CDIN1: variants seen among roughly 807,000 people sequenced by gnomAD.
CDIN1 encodes the protein CDAN1-interacting nuclease 1.
In CDIN1, 33 loss-of-function variants were observed where a neutral mutation model predicts 45.3. The observed-to-expected ratio is 0.73, with a 90% CI of 0.55 to 0.97. The LOEUF (loss-of-function observed/expected upper bound fraction) is 0.97. Among genes scored for constraint, CDIN1 ranks in the 50% least tolerant of loss-of-function variants. The probability of loss-of-function intolerance (pLI) is 0.00; values close to 1 mark genes in which losing one functional copy is unlikely to be tolerated. For synonymous variants in CDIN1, 118 were observed against 124.4 expected (o/e 0.95, Z 0.34); for missense variants, 303 against 339.4 (o/e 0.89, Z 0.84).
intron 10 of CDIN1, among the ~76,000 whole-genome samples, chr15:36,771,532 A>G (rs2054077106): frequency 6.6e-6 from 1 of 152,196 alleles, no homozygotes; most frequent in Non-Finnish European, 1.5e-5. Flanking sequence ...CTCTAGAAGG[A>G]GGCTCACTGG....
At chr15:36,643,509 G>A (rs1386147422) in intron 1 of CDIN1, among the ~76,000 whole-genome samples, 2 of 152,218 alleles carry the variant, frequency 1.3e-5, no homozygotes, top group African/African-American at 4.8e-5. Flanking sequence ...GTCTGTAAAG[G>A]ACAGTCGAAA....
At chr15:36,798,599 AATTCCAATAATTTTTT>A (rs2054900171) in intron 10 of CDIN1, 2 of 152,158 alleles carry the variant, frequency 1.3e-5, no homozygotes, top group Non-Finnish European at 2.9e-5. Context: ...CCGAGGATGA[AATTCCAATAATTTTTT>A]ATTTTAAGCA....
intron 3 of CDIN1, among the ~76,000 whole-genome samples, chr15:36,645,495 TG>T (rs35122390): frequency 0.01 from 21 of 2,042 alleles, no homozygotes; most frequent in East Asian, 0.071. Context: ...TGTCTTGACT[TG>T]TGTGTGTGTG....
intron 10 of CDIN1, among the ~76,000 whole-genome samples, chr15:36,788,973 T>C (rs1358412353): frequency 1.3e-5 from 2 of 152,226 alleles, no homozygotes; most frequent in Non-Finnish European, 2.9e-5. Context: ...CTAGAAAGCA[T>C]AAAGTACCAT....
At chr15:36,618,907 T>C in intron 1 of CDIN1, 1 of 1,306,008 alleles carries the variant, frequency 7.7e-7, no homozygotes. Context: ...GTAACATAAA[T>C]GTAGCTACAC....
intron 10 of CDIN1, among the ~76,000 whole-genome samples, chr15:36,783,861 A>G (rs2054417994): frequency 6.6e-6 from 1 of 152,164 alleles, no homozygotes; most frequent in South Asian, 2.1e-4. Context: ...CCAGTATTTT[A>G]ATAATCTGCC....
chr15:36,596,987 A>G (rs1468860753), intron 1 of CDIN1, among the ~76,000 whole-genome samples: 1 of 152,190 alleles, frequency 6.6e-6, no homozygotes, highest in Non-Finnish European at 1.5e-5. Context: ...ATTAAATAAT[A>G]CCTTTCCTTG....
intron 1 of CDIN1, among the ~76,000 whole-genome samples, chr15:36,643,454 A>C (rs919300210): frequency 1.3e-5 from 2 of 152,272 alleles, no homozygotes; most frequent in African/African-American, 4.8e-5. Context: ...AGCATTTAGT[A>C]GGAAAATAGA....
At chr15:36,624,494 T>A (rs188158130) in intron 1 of CDIN1, among the ~76,000 whole-genome samples, 111 of 152,354 alleles carry the variant, frequency 7.3e-4, no homozygotes, top group African/African-American at 2.5e-3. Flanking sequence ...GATGATGATG[T>A]TGTTTTTAGA....
intron 10 of CDIN1, among the ~76,000 whole-genome samples, chr15:36,774,808 G>C (rs552827105): frequency 6.6e-6 from 1 of 152,096 alleles, no homozygotes; most frequent in Non-Finnish European, 1.5e-5. Flanking sequence ...TAAATCTGTC[G>C]CATTATTAAA....
chr15:36,784,305 G>C (rs2054432188), intron 10 of CDIN1, among the ~76,000 whole-genome samples: 1 of 152,156 alleles, frequency 6.6e-6, no homozygotes, highest in Admixed American at 6.5e-5. Flanking sequence ...AAGTGGAGGA[G>C]GATCACTGGT....
intron 10 of CDIN1, among the ~76,000 whole-genome samples, chr15:36,765,090 C>G (rs1360361888): frequency 6.9e-6 from 1 of 145,546 alleles, no homozygotes; most frequent in African/African-American, 2.6e-5. Context: ...GAGTCTCGCT[C>G]CGTCATTCAG....
chr15:36,740,978 C>T (rs760753302), intron 10 of CDIN1, among the ~76,000 whole-genome samples: 1 of 151,952 alleles, frequency 6.6e-6, no homozygotes, highest in East Asian at 1.9e-4. Flanking sequence ...ACTCTCTCAC[C>T]CAGGCTAAAG....
intron 1 of CDIN1, among the ~76,000 whole-genome samples, chr15:36,583,436 C>T (rs1476893204): frequency 6.6e-6 from 1 of 152,116 alleles, no homozygotes; most frequent in East Asian, 1.9e-4. Flanking sequence ...TTTTTCAAGT[C>T]ACTGTGTTTT....
chr15:36,737,453 C>T (rs1405722839), intron 10 of CDIN1, among the ~76,000 whole-genome samples: 1 of 152,178 alleles, frequency 6.6e-6, no homozygotes, highest in Non-Finnish European at 1.5e-5. Flanking sequence ...CAGGAGGTTT[C>T]ATTTGTGTGT....
chr15:36,590,112 T>C (rs2037505395), intron 1 of CDIN1, among the ~76,000 whole-genome samples: 1 of 152,196 alleles, frequency 6.6e-6, no homozygotes, highest in African/African-American at 2.4e-5. Context: ...AAGTTACGTC[T>C]CTTGGCTGAA....
intron 1 of CDIN1, among the ~76,000 whole-genome samples, chr15:36,606,392 A>G (rs1595734097): frequency 2.0e-5 from 3 of 152,300 alleles, no homozygotes; most frequent in Admixed American, 2.0e-4. Context: ...GAATAAGGGA[A>G]TGAAGTTTGG....
At chr15:36,617,528 A>G in intron 1 of CDIN1, 2 of 828,034 alleles carry the variant, frequency 2.4e-6, no homozygotes, top group South Asian at 2.7e-5. Context: ...TCTCAAATGG[A>G]TAGTGATCAG....
At chr15:36,785,414 T>C (rs560518913) in intron 10 of CDIN1, among the ~76,000 whole-genome samples, 1 of 151,976 alleles carries the variant, frequency 6.6e-6, no homozygotes, top group Admixed American at 6.5e-5. Flanking sequence ...TGAAAAGCGG[T>C]TGGATAATCA....
Sources: gnomAD v4.1 joint callset for allele counts (sites outside exome capture counted in the v4.1 genomes callset) on GRCh38, gnomAD v4.1.1 for gene constraint, MANE v1.5 for transcripts, NCBI Gene and HGNC (gene_info 2026-07-23, HGNC 2026-07-21) for gene names.